The following POLN variants were observed in gnomAD, a reference collection of about 807,000 sequenced individuals.
POLN encodes DNA polymerase nu.
POLN carries 108 observed loss-of-function variants against 113.5 expected under a neutral mutation model. The observed-to-expected ratio is 0.95, with a 90% CI of 0.81 to 1.12. POLN has a LOEUF of 1.12. Among genes scored for constraint, POLN ranks in the 50% most tolerant of loss-of-function variants. POLN has a pLI of 0.00. For synonymous variants in POLN, 386 were observed against 391.5 expected (o/e 0.99, Z 0.17); for missense variants, 1,097 against 1,077.1 (o/e 1.02, Z -0.26).
chr4:2,152,565 T>C (rs1732322695), intron 16 of POLN, among the ~76,000 whole-genome samples: 1 of 151,322 alleles, frequency 6.6e-6, no homozygotes, highest in Non-Finnish European at 1.5e-5. Context: ...TTTTTAAAAA[T>C]ATTAGTCAAC....
At chr4:2,174,802 C>G (rs1322749740) in intron 9 of POLN, 51 bp from the exon 10 acceptor site, 1 of 1,312,798 alleles carries the variant, frequency 7.6e-7, no homozygotes, top group African/African-American at 1.5e-5. Flanking sequence ...ATTATTGTAT[C>G]TGCATTTTGT....
intron 5 of POLN, among the ~76,000 whole-genome samples, chr4:2,202,723 C>CAA (rs34712930): frequency 0.03 from 1,077 of 35,856 alleles, 71 homozygotes; most frequent in East Asian, 0.12. Flanking sequence ...GACTCTGTCT[C>CAA]AAAAAAAAAA....
chr4:2,232,260 A>G (rs1432352387), intron 2 of POLN: 9 of 550,300 alleles, frequency 1.6e-5, no homozygotes, highest in East Asian at 6.9e-5. Flanking sequence ...AAAGGACTTA[A>G]TAACTTCCCG....
intron 20 of POLN, among the ~76,000 whole-genome samples, chr4:2,094,326 G>GCATTC: frequency 6.7e-6 from 1 of 148,944 alleles, no homozygotes. Flanking sequence ...TTGTGCCACT[G>GCATTC]CATTCCAGCC....
intron 5 of POLN, among the ~76,000 whole-genome samples, chr4:2,201,516 A>T (rs973564825): frequency 5.3e-5 from 8 of 152,056 alleles, no homozygotes; most frequent in Admixed American, 5.2e-4. Context: ...AAGAAAAAGA[A>T]AACATGAACA....
intron 23 of POLN, 73 bp downstream of exon 23, chr4:2,080,881 ATCAC>A: frequency 6.2e-7 from 1 of 1,608,260 alleles, no homozygotes; most frequent in Non-Finnish European, 8.5e-7. Flanking sequence ...GATCATCAGA[ATCAC>A]GAGCCCCGAG....
At chr4:2,159,100 C>T (rs1732512197) in intron 14 of POLN, 55 bp downstream of exon 14, 1 of 1,283,988 alleles carries the variant, frequency 7.8e-7, no homozygotes, top group Admixed American at 1.7e-5. Flanking sequence ...GACACAGGGC[C>T]ATATGGTTCC....
At chr4:2,128,074 C>T in intron 19 of POLN, 39 bp downstream of exon 19, 1 of 1,302,892 alleles carries the variant, frequency 7.7e-7, no homozygotes, top group Non-Finnish European at 1.1e-6. Context: ...TGTTGGCCTT[C>T]CTGCAGATCT....
At chr4:2,191,386 ATAGT>A (rs1230946836) in intron 7 of POLN, among the ~76,000 whole-genome samples, 1 of 152,210 alleles carries the variant, frequency 6.6e-6, no homozygotes, top group Non-Finnish European at 1.5e-5. Context: ...TTACAAATAC[ATAGT>A]TAGGCAGAAG....
chr4:2,188,101 G>A (rs1483901529), intron 7 of POLN, among the ~76,000 whole-genome samples: 1 of 151,514 alleles, frequency 6.6e-6, no homozygotes, highest in East Asian at 2.0e-4. Context: ...GGGTGACAGA[G>A]TGAGACCCCA....
intron 20 of POLN, among the ~76,000 whole-genome samples, chr4:2,094,399 A>C (rs1014518931): frequency 6.6e-6 from 1 of 151,576 alleles, no homozygotes; most frequent in Non-Finnish European, 1.5e-5. Flanking sequence ...AGAAGCCAAC[A>C]AAGTGGATCC....
intron 2 of POLN, chr4:2,238,534 T>A (rs954945483): frequency 1.1e-5 from 11 of 1,030,190 alleles, no homozygotes; most frequent in Non-Finnish European, 1.5e-5. Flanking sequence ...AAATTTTAGC[T>A]CAAACTCTCT....
chr4:2,129,230 A>T lies in POLN; in HGVS notation c.1816T>A (p.Ser606Thr). Residue 606 changes from serine (S) to threonine (T), a missense_variant, in exon 18 of 26, where the codon TCC becomes ACC. Ser to Thr is a moderately conservative substitution (Grantham distance 58). Transcript: ENST00000511885. ...GATGAAACAAACATGGCCCTCGGGG[A>T]GATCGTGAGAATCTTGTCTTCTTTA... ...KGKEDKILTI[S>T]PRAMFVSSKG... 6.3e-7 allele frequency: 1 copy of T among 1,598,514 alleles called. No homozygotes were observed. The highest frequency in any genetic ancestry group is 2.2e-5 in the East Asian group (1 of 44,782).
At chr4:2,220,440 A>G (rs1455844188) in intron 3 of POLN, among the ~76,000 whole-genome samples, 1 of 152,208 alleles carries the variant, frequency 6.6e-6, no homozygotes, top group Non-Finnish European at 1.5e-5. Context: ...CAGTGAGTTT[A>G]GTGATACCCC....
chr4:2,232,125 T>A (rs2031728), intron 2 of POLN: 5 of 1,582,896 alleles, frequency 3.2e-6, no homozygotes, highest in Non-Finnish European at 4.3e-6. Flanking sequence ...GCTTATTCAG[T>A]TGAGATTCAA....
chr4:2,191,574 T>C (rs1286289454), intron 7 of POLN, among the ~76,000 whole-genome samples: 1 of 152,192 alleles, frequency 6.6e-6, no homozygotes, highest in Non-Finnish European at 1.5e-5. Flanking sequence ...ACACATTATA[T>C]GAATGTATCA....
intron 7 of POLN, among the ~76,000 whole-genome samples, chr4:2,181,321 T>C (rs1175838490): frequency 1.3e-5 from 2 of 152,102 alleles, no homozygotes; most frequent in Non-Finnish European, 2.9e-5. Flanking sequence ...ATTTTTGTTT[T>C]TTTTAGTAGA....
Position 2,135,692 on chromosome 4 carries a change from A to AG in POLN, c.1732-4403dup, listed in dbSNP as rs199572969. ...ATCTGGGAGGAAGCTGGGTCCCACC[A>AG]GGTGAGAGTCCAAATGTGGGAGAAG... On this transcript the variant is annotated intron_variant, in intron 16 of 25. Transcript: ENST00000511885. Among the ~76,000 whole-genome samples, 1,299 of 152,336 alleles carry AG rather than the reference A, an allele frequency of 8.5e-3. 19 individuals carry two copies. The highest frequency in any genetic ancestry group is 0.03 in the African/African-American group (1,251 of 41,580).
intron 6 of POLN, among the ~76,000 whole-genome samples, chr4:2,194,543 G>A (rs1026491400): frequency 6.6e-6 from 1 of 152,096 alleles, no homozygotes; most frequent in Non-Finnish European, 1.5e-5. Context: ...TGTCCAAGAG[G>A]GAGTAAAGAG....
Sources: allele counts gnomAD v4.1 joint callset (sites outside exome capture counted in the v4.1 genomes callset), GRCh38; gene constraint gnomAD v4.1.1; transcripts MANE v1.5; gene names NCBI Gene and HGNC (gene_info 2026-07-23, HGNC 2026-07-21).